EVI5L: variants seen among roughly 807,000 people sequenced by gnomAD.
EVI5L encodes EVI5-like protein.
Under a neutral mutation model 106.1 loss-of-function variants are expected in EVI5L, and 30 were observed. That is an observed-to-expected ratio of 0.28 (90% CI 0.21 to 0.38). The LOEUF is 0.38. Ranked by LOEUF, EVI5L falls within the 10% of genes least tolerant of loss-of-function variation. The pLI, the probability that EVI5L is intolerant of heterozygous loss-of-function variation, is 1.00. For synonymous variants in EVI5L, 489 were observed against 483.3 expected (o/e 1.01, Z -0.15); for missense variants, 809 against 1,098.0 (o/e 0.74, Z 3.72).
In EVI5L at chr19:7,850,891, C is replaced by T. The variant is rs185757168; in HGVS notation, c.754-543C>T. Reference sequence around the variant, plus strand: ...AAGCCCGGGATCCTAACGCCTTCTCCGGCCTCAGTTTCCCCAGCCGTCTGC... The same window carrying T: ...AAGCCCGGGATCCTAACGCCTTCTCTGGCCTCAGTTTCCCCAGCCGTCTGC... On this transcript the variant is annotated intron_variant, in intron 6 of 19. Transcript: ENST00000538904. This position sits in a 1 kb window ranked among gnomAD's most constrained non-coding sequence, Gnocchi z 5.4. Among the ~76,000 whole-genome samples, 9 of 152,358 alleles carry T rather than the reference C, an allele frequency of 5.9e-5. No homozygotes were observed. Among genetic ancestry groups the T allele is most frequent in the East Asian group, 1.9e-4 (1 of 5,184 alleles).
At position 7,856,220 on chromosome 19, in the gene EVI5L, A is replaced by C; in HGVS notation, c.1200+152A>C. On this transcript the variant is annotated intron_variant, in intron 11 of 19. Coordinates refer to ENST00000538904, the MANE Select transcript of EVI5L (RefSeq NM_001159944.3). This position sits in a 1 kb window ranked among gnomAD's most constrained non-coding sequence, Gnocchi z 6.6. ...CTTCCTGCCCCAGGACCCGACCTGAACCCGATTTGGAGTGCCCTGCAACTG... is the reference window on the plus strand; with the variant it reads ...CTTCCTGCCCCAGGACCCGACCTGACCCCGATTTGGAGTGCCCTGCAACTG... 1 of 732,402 alleles carries C rather than the reference A, an allele frequency of 1.4e-6. No homozygotes were observed. Among genetic ancestry groups the C allele is most frequent in the Non-Finnish European group, 1.9e-6 (1 of 525,974 alleles). 45.4% of individuals were successfully genotyped at this position (732,402 alleles called of 1,614,324 possible).
chr19:7,849,390 C>G (rs1979126144), intron 5 of EVI5L, 60 bp downstream of exon 5: 39 of 1,580,690 alleles, frequency 2.5e-5, no homozygotes, highest in Non-Finnish European at 3.2e-5. Context: ...GGGCTCGGCC[C>G]CCAAGAGATG....
intron 8 of EVI5L, 43 bp from the exon 9 acceptor site, chr19:7,853,043 G>A (rs1568240634): frequency 6.2e-7 from 1 of 1,610,338 alleles, no homozygotes. Flanking sequence ...CGGTGGTCAG[G>A]GCCTGCATGT....
rs1157929156 is a variant in EVI5L at position 7,858,050 on chromosome 19, C to T, written c.1234-141C>T. The stretch of plus-strand genomic sequence containing the variant: ...CCCCAGGCCCAGTGGGACGCTCATC[C>T]CAGGCTCTGAGTACGGGAGGCCCCC... On this transcript the variant is annotated intron_variant, in intron 12 of 19. Transcript: ENST00000538904. This position sits in a 1 kb window ranked among gnomAD's most constrained non-coding sequence, Gnocchi z 5.7. The T allele has an allele frequency of 2.0e-6, 2 of 1,004,110 alleles. No individual in the cohort carries two copies. Among genetic ancestry groups the T allele is most frequent in the Non-Finnish European group, 2.9e-6 (2 of 696,458 alleles). 62.2% of individuals were successfully genotyped at this position (1,004,110 alleles called of 1,614,324 possible). A position where few individuals can be genotyped will look rare whatever the true frequency, so the allele number is the denominator to read the frequency against.
Position 7,858,167 on chromosome 19 carries a change from G to A in EVI5L, c.1234-24G>A, listed in dbSNP as rs778569940. 1 of 1,548,728 alleles carries A rather than the reference G, an allele frequency of 6.5e-7. No individual in the cohort carries two copies. The highest frequency in any genetic ancestry group is 8.7e-7 in the Non-Finnish European group (1 of 1,146,090). On this transcript the variant is annotated intron_variant, in intron 12 of 19. Coordinates refer to ENST00000538904, the MANE Select transcript of EVI5L (RefSeq NM_001159944.3). The surrounding 1 kb of genome is among the most constrained non-coding windows in gnomAD (Gnocchi z 5.7). The stretch of plus-strand genomic sequence containing the variant: ...GAGCCGAGGGTCACGGCCTCCCCCT[G>A]CCCCCTGTCCTCGCTGTTCTCAGGG...
chr19:7,857,912 C>A lies in EVI5L; in HGVS notation c.1234-279C>A, dbSNP rs754277144. ...CCCTGGATAAGGATCCCAACTGGGG[C>A]AGAGACTGAGAGCCAGAGTGGGGAA... is the stretch of plus-strand genomic sequence containing the variant. On this transcript the variant is annotated intron_variant, in intron 12 of 19. Transcript: ENST00000538904. The surrounding 1 kb of genome is among the most constrained non-coding windows in gnomAD (Gnocchi z 4.5). 18 of 439,232 alleles carry A rather than the reference C, an allele frequency of 4.1e-5. No individual in the cohort carries two copies. The highest frequency in any genetic ancestry group is 6.6e-5 in the Non-Finnish European group (16 of 241,630). 27.2% of individuals were successfully genotyped at this position (439,232 alleles called of 1,614,324 possible). A position where few individuals can be genotyped will look rare whatever the true frequency, so the allele number is the denominator to read the frequency against.
At chr19:7,849,788 G>C (rs899583436) in intron 5 of EVI5L, among the ~76,000 whole-genome samples, 1 of 152,142 alleles carries the variant, frequency 6.6e-6, no homozygotes, top group Non-Finnish European at 1.5e-5. Flanking sequence ...GTTTCCTGCC[G>C]AGTGGCCCTT....
chr19:7,862,207 G>T lies in EVI5L; in HGVS notation c.1730G>T (p.Arg577Leu). The T allele has an allele frequency of 6.4e-7, 1 of 1,573,638 alleles. No individual in the cohort carries two copies. The highest frequency in any genetic ancestry group is 8.6e-7 in the Non-Finnish European group (1 of 1,162,128). Reference sequence around the variant, plus strand: ...CTGCAGGACGAGCTGATGAGCGTGCGTCTGCGCGAGGCCCAGGCCCTGGCC... The same window carrying T: ...CTGCAGGACGAGCTGATGAGCGTGCTTCTGCGCGAGGCCCAGGCCCTGGCC... ...GELQDELMSVRLREAQALAEG... is the reference protein window; with the variant it reads ...GELQDELMSVLLREAQALAEG... The change falls in exon 16 of 20, where the codon CGT becomes CTT. Residue 577 changes from arginine (R) to leucine (L), a missense_variant. Physicochemically the swap from Arg to Leu is moderately radical, Grantham distance 102. Coordinates refer to ENST00000538904, the MANE Select transcript of EVI5L (RefSeq NM_001159944.3).
chr19:7,857,846 G>A lies in EVI5L; in HGVS notation c.1234-345G>A. On this transcript the variant is annotated intron_variant, in intron 12 of 19. Coordinates refer to ENST00000538904, the MANE Select transcript of EVI5L (RefSeq NM_001159944.3). This position sits in a 1 kb window ranked among gnomAD's most constrained non-coding sequence, Gnocchi z 4.5. ...TGTCCCCAGATCCTCACCCTCACCG[G>A]CAGAGTCTGGCATGAATAGGCACAG... 1 of 276,696 alleles carries A rather than the reference G, an allele frequency of 3.6e-6. No homozygotes were observed. Among genetic ancestry groups the A allele is most frequent in the Non-Finnish European group, 7.0e-6 (1 of 143,756 alleles). The allele number at this position is 276,696 out of a possible 1,614,324, so 17.1% of individuals were successfully genotyped here.
At chr19:7,837,025 C>T (rs1047607650) in intron 1 of EVI5L, among the ~76,000 whole-genome samples, 29 of 150,484 alleles carry the variant, frequency 1.9e-4, no homozygotes, top group African/African-American at 6.8e-4. Flanking sequence ...GAGTGAGACC[C>T]CTGTCTCAAA....
chr19:7,854,957 T>C (rs1419321886), intron 10 of EVI5L, among the ~76,000 whole-genome samples: 1 of 152,146 alleles, frequency 6.6e-6, no homozygotes, highest in Non-Finnish European at 1.5e-5. Flanking sequence ...TGACCTGCAG[T>C]GTGGCAGGGC....
chr19:7,842,624 CGT>C (rs1555692026), intron 1 of EVI5L, among the ~76,000 whole-genome samples: 1 of 147,434 alleles, frequency 6.8e-6, no homozygotes, highest in Non-Finnish European at 1.5e-5. Flanking sequence ...CAAGTGTGTG[CGT>C]GTGTGAAAAT....
chr19:7,862,071 C>T (rs1979826741), intron 15 of EVI5L, 51 bp from the exon 16 acceptor site: 1 of 1,545,556 alleles, frequency 6.5e-7, no homozygotes, highest in African/African-American at 1.4e-5. Flanking sequence ...GCCATCCCCT[C>T]GGGGTTCTTG....
In EVI5L at chr19:7,850,074, C is replaced by T; in HGVS notation, c.705C>T (p.Ser235=). 17 of 1,605,202 alleles carry T rather than the reference C, an allele frequency of 1.1e-5. No homozygotes were observed. Among genetic ancestry groups the T allele is most frequent in the Non-Finnish European group, 1.4e-5 (17 of 1,176,312 alleles). Residue 235 remains serine (S), a synonymous_variant, in exon 6 of 20, where the codon AGC becomes AGT. Coordinates refer to ENST00000538904, the MANE Select transcript of EVI5L (RefSeq NM_001159944.3). This position sits in a 1 kb window ranked among gnomAD's most constrained non-coding sequence, Gnocchi z 5.4. Reference sequence around the variant, plus strand: ...GGCTGCGGGAGCTCTTCAAACCCAGCATGGCCGAGCTCGGGCTCTGCATCT... The same window carrying T: ...GGCTGCGGGAGCTCTTCAAACCCAGTATGGCCGAGCTCGGGCTCTGCATCT... ...EYRLRELFKP[S]MAELGLCIYQ...
chr19:7,862,468 A>G lies in EVI5L; in HGVS notation c.1881A>G (p.Ala627=). ...AGGAGAAGCTGCAGTACCTGGCTGC[A>G]CAGAACAAGGGGCTGCAGACGCAGC... The part of the protein sequence containing the change: ...ALQEKLQYLA[A]QNKGLQTQLS... The change falls in exon 17 of 20, where the codon GCA becomes GCG. Residue 627 remains alanine (A), a synonymous_variant. Transcript: ENST00000538904. 1 of 1,607,250 alleles carries G rather than the reference A, an allele frequency of 6.2e-7. No homozygotes were observed. Among genetic ancestry groups the G allele is most frequent in the African/African-American group, 1.3e-5 (1 of 74,908 alleles).
intron 1 of EVI5L, among the ~76,000 whole-genome samples, chr19:7,840,921 G>A (rs954856135): frequency 5.9e-5 from 9 of 152,346 alleles, no homozygotes; most frequent in South Asian, 2.1e-4. Context: ...CAATGCTGCT[G>A]TGAACAGATG....
chr19:7,856,759 G>T lies in EVI5L; in HGVS notation c.1201-333G>T, dbSNP rs1979546253. On this transcript the variant is annotated intron_variant, in intron 11 of 19. Transcript: ENST00000538904. This position sits in a 1 kb window ranked among gnomAD's most constrained non-coding sequence, Gnocchi z 6.6. ...TCCGCACGAAGCCAAAAGTCCCCCT[G>T]CCCCCCACAGTTTTTCCAGCCAGCA... is the stretch of plus-strand genomic sequence containing the variant. Among the ~76,000 whole-genome samples, 1 of 152,014 alleles carries T rather than the reference G, an allele frequency of 6.6e-6. No homozygotes were observed. The highest frequency in any genetic ancestry group is 1.5e-5 in the Non-Finnish European group (1 of 67,980).
At chr19:7,853,714 C>G in intron 10 of EVI5L, 1 of 296,402 alleles carries the variant, frequency 3.4e-6, no homozygotes, top group Non-Finnish European at 6.5e-6. Context: ...GCTAAAGGCC[C>G]AGGGCAGCAG....
intron 13 of EVI5L, 69 bp from the exon 14 acceptor site, chr19:7,860,492 A>C: frequency 7.1e-7 from 1 of 1,408,720 alleles, no homozygotes; most frequent in Non-Finnish European, 9.5e-7. Context: ...GGGAGAAGCC[A>C]GCAGGCATGG....
Sources: allele counts gnomAD v4.1 joint callset (sites outside exome capture counted in the v4.1 genomes callset), GRCh38; gene constraint gnomAD v4.1.1; non-coding constraint Gnocchi (gnomAD v3.1); transcripts MANE v1.5; gene names NCBI Gene and HGNC (gene_info 2026-07-23, HGNC 2026-07-21).